R3HDM2: variants seen among roughly 807,000 people sequenced by gnomAD.
R3HDM2 encodes R3H domain-containing protein 2.
R3HDM2 carries 38 observed loss-of-function variants against 124.5 expected under a neutral mutation model. That is an observed-to-expected ratio of 0.31 (90% CI 0.24 to 0.40). The LOEUF (loss-of-function observed/expected upper bound fraction) is 0.40. R3HDM2 is among the 10% of genes least tolerant of loss of function. R3HDM2 has a pLI of 1.00. For missense variants in R3HDM2, 869 were observed against 1,236.9 expected, an observed-to-expected ratio of 0.70 and a Z score of 4.46; for synonymous variants, 391 against 448.0, an observed-to-expected ratio of 0.87 and a Z score of 1.61.
intron 1 of R3HDM2, among the ~76,000 whole-genome samples, chr12:57,413,079 G>T (rs910576125): frequency 1.3e-5 from 2 of 151,980 alleles, no homozygotes; most frequent in East Asian, 3.9e-4. Flanking sequence ...CCTGAACCCA[G>T]AAGGCAGAGG....
At chr12:57,354,675 T>G (rs78561980) in intron 2 of R3HDM2, among the ~76,000 whole-genome samples, 2 of 152,244 alleles carry the variant, frequency 1.3e-5, no homozygotes, top group Non-Finnish European at 2.9e-5. Flanking sequence ...CGAGTGTTTG[T>G]TCACATCTCT....
intron 18 of R3HDM2, 166 bp from the exon 19 acceptor site, chr12:57,266,997 A>T (rs1465647909): frequency 1.8e-6 from 1 of 550,410 alleles, no homozygotes; most frequent in Non-Finnish European, 3.3e-6. Flanking sequence ...ATCAGTTCAA[A>T]GTTAATTATA....
At position 57,280,345 on chromosome 12, in the gene R3HDM2, A is replaced by G. The variant is rs1471549620; in HGVS notation, c.1344+13T>C. 1.2e-6 allele frequency: 2 copies of G among 1,609,896 alleles called. No individual in the cohort carries two copies. Among genetic ancestry groups the G allele is most frequent in the South Asian group, 2.2e-5 (2 of 90,390 alleles). On this transcript the variant is annotated intron_variant, in intron 14 of 23. Coordinates refer to ENST00000402412, the MANE Select transcript of R3HDM2 (RefSeq NM_001394031.1). ...CAGAGTGGAGAGGACTCTGACACTG[A>G]GTGGTGACTCACCTGTGAGATCATG...
intron 2 of R3HDM2, among the ~76,000 whole-genome samples, chr12:57,352,833 G>C (rs1160737209): frequency 6.6e-6 from 1 of 152,018 alleles, no homozygotes; most frequent in East Asian, 1.9e-4. Context: ...TGGGAATTGA[G>C]CAGATCAATG....
chr12:57,403,112 T>C (rs2068193799), intron 1 of R3HDM2, among the ~76,000 whole-genome samples: 1 of 151,644 alleles, frequency 6.6e-6, no homozygotes, highest in Non-Finnish European at 1.5e-5. Flanking sequence ...TCCCAGCACT[T>C]TAGGAGGCTG....
chr12:57,370,018 T>C (rs1003526455), intron 2 of R3HDM2, among the ~76,000 whole-genome samples: 1 of 152,142 alleles, frequency 6.6e-6, no homozygotes, highest in Non-Finnish European at 1.5e-5. Flanking sequence ...TCCTAAAAAA[T>C]GTTAATTTTC....
intron 14 of R3HDM2, among the ~76,000 whole-genome samples, chr12:57,278,811 G>C (rs765353202): frequency 6.6e-6 from 1 of 152,184 alleles, no homozygotes; most frequent in Non-Finnish European, 1.5e-5. Flanking sequence ...GGATTTCCTA[G>C]ATCTTCACTG....
At position 57,272,561 on chromosome 12, in the gene R3HDM2, G is replaced by C. The variant is rs988380534; in HGVS notation, c.1345-2567C>G. Reference sequence around the variant, plus strand: ...GCTGCAGAGCCGGGACTGGCTGTGGGCCAGCAGAGAGGCATGTGGAAAAGG... The same window carrying C: ...GCTGCAGAGCCGGGACTGGCTGTGGCCCAGCAGAGAGGCATGTGGAAAAGG... On this transcript the variant is annotated intron_variant, in intron 14 of 23. Transcript: ENST00000402412. 12 of 1,392,234 alleles carry C rather than the reference G, an allele frequency of 8.6e-6. No individual in the cohort carries two copies. In the East Asian group the frequency reaches 3.8e-4, roughly 44 times the overall value. The allele number at this position is 1,392,234 out of a possible 1,614,324, so 86.2% of individuals were successfully genotyped here. A position where few individuals can be genotyped will look rare whatever the true frequency, so the allele number is the denominator to read the frequency against.
chr12:57,297,129 G>A lies in R3HDM2; in HGVS notation c.560+199C>T. 3 of 497,796 alleles carry A rather than the reference G, an allele frequency of 6.0e-6. No individual in the cohort carries two copies. In the South Asian group the frequency reaches 8.2e-5, roughly 14 times the overall value. The allele number at this position is 497,796 out of a possible 1,614,324, so 30.8% of individuals were successfully genotyped here. ...GACAAAGAAAAAGGAAGACATTTAA[G>A]AACAGTAAAATCTGGGACAAGTGCA... On this transcript the variant is annotated intron_variant, in intron 8 of 23. Coordinates refer to ENST00000402412, the MANE Select transcript of R3HDM2 (RefSeq NM_001394031.1).
chr12:57,365,802 G>A (rs2062570583), intron 2 of R3HDM2, among the ~76,000 whole-genome samples: 1 of 152,062 alleles, frequency 6.6e-6, no homozygotes, highest in Admixed American at 6.6e-5. Flanking sequence ...TGGGCGTGGT[G>A]GTAGGTGCCT....
At chr12:57,364,765 C>A (rs564148378) in intron 2 of R3HDM2, among the ~76,000 whole-genome samples, 113 of 150,578 alleles carry the variant, frequency 7.5e-4, no homozygotes, top group African/African-American at 2.6e-3. Context: ...CCATCCTGGC[C>A]AACATAGTGA....
intron 2 of R3HDM2, among the ~76,000 whole-genome samples, chr12:57,317,027 G>C (rs1330252593): frequency 6.6e-6 from 1 of 151,924 alleles, no homozygotes; most frequent in East Asian, 1.9e-4. Context: ...GATTACAGGC[G>C]TGAGACATCG....
chr12:57,371,390 T>C (rs891415546), intron 2 of R3HDM2, among the ~76,000 whole-genome samples: 4 of 152,126 alleles, frequency 2.6e-5, no homozygotes. Context: ...TCAGTTCTGA[T>C]GTCCTGCAAA....
chr12:57,292,551 A>G, intron 11 of R3HDM2, 21 bp downstream of exon 11: 1 of 1,490,400 alleles, frequency 6.7e-7, no homozygotes, highest in South Asian at 1.2e-5. Context: ...TGGGCTGACA[A>G]CTCTCAGATG....
chr12:57,288,039 A>G (rs1489831063), intron 12 of R3HDM2, among the ~76,000 whole-genome samples: 1 of 145,448 alleles, frequency 6.9e-6, no homozygotes, highest in African/African-American at 2.5e-5. Flanking sequence ...TTTTTGAGAC[A>G]GAGTCTTGCT....
At chr12:57,292,483 A>C in intron 11 of R3HDM2, 89 bp downstream of exon 11, 9 of 919,412 alleles carry the variant, frequency 9.8e-6, no homozygotes, top group Non-Finnish European at 1.5e-5. Flanking sequence ...ACAAACCCAA[A>C]AACATTTGTG....
Position 57,383,255 on chromosome 12 carries a change from G to A in R3HDM2, c.-36+12494C>T, listed in dbSNP as rs183083966. Among the ~76,000 whole-genome samples the A allele has an allele frequency of 1.4e-3, 220 of 152,314 alleles. 1 individual carries two copies. Among genetic ancestry groups the A allele is most frequent in the African/African-American group, 4.9e-3 (205 of 41,570 alleles). Reference sequence around the variant, plus strand: ...GGATCGCTTGAGCCAAGGAGGTCAAGGCTGCAGTGAGCTGTGGTCACGCCG... The same window carrying A: ...GGATCGCTTGAGCCAAGGAGGTCAAAGCTGCAGTGAGCTGTGGTCACGCCG... On this transcript the variant is annotated intron_variant, in intron 2 of 23. Transcript: ENST00000402412.
intron 2 of R3HDM2, among the ~76,000 whole-genome samples, chr12:57,315,761 G>A (rs577449289): frequency 6.6e-6 from 1 of 152,316 alleles, no homozygotes; most frequent in East Asian, 1.9e-4. Context: ...GAAACAGGAA[G>A]ACTTGAACTT....
chr12:57,331,082 TTTTC>T lies in R3HDM2; in HGVS notation c.-35-20623_-35-20620del, dbSNP rs201038873. 6.5e-4 allele frequency among the ~76,000 whole-genome samples: 99 copies of T among 152,290 alleles called. 2 individuals are homozygous for T. In the East Asian group the frequency reaches 0.016, roughly 25 times the overall value. On this transcript the variant is annotated intron_variant, in intron 2 of 23. Transcript: ENST00000402412. ...CTTTTTCCCTTCTAATTTTGATGCC[TTTTC>T]TTTCTTTTTCTTGCCTTGTCATTCC... is the stretch of plus-strand genomic sequence containing the variant.
Sources: gnomAD v4.1 joint callset for allele counts (sites outside exome capture counted in the v4.1 genomes callset) on GRCh38, gnomAD v4.1.1 for gene constraint, MANE v1.5 for transcripts, NCBI Gene and HGNC (gene_info 2026-07-23, HGNC 2026-07-21) for gene names.